Variants in DOCK3 observed in about 807,000 individuals in gnomAD.
DOCK3 encodes dedicator of cytokinesis 3.
In DOCK3, 60 loss-of-function variants were observed where a neutral mutation model predicts 265.6. The observed-to-expected ratio is 0.23, with a 90% CI of 0.18 to 0.28. The LOEUF is 0.28. Ranked by LOEUF, DOCK3 falls within the 10% of genes least tolerant of loss-of-function variation. The probability of loss-of-function intolerance (pLI) is 1.00; values close to 1 mark genes in which losing one functional copy is unlikely to be tolerated. For synonymous variants in DOCK3, 881 were observed against 938.0 expected (o/e 0.94, Z 1.11); for missense variants, 1,981 against 2,594.3 (o/e 0.76, Z 5.14).
intron 3 of DOCK3, among the ~76,000 whole-genome samples, chr3:50,879,013 A>G (rs1342618547): frequency 6.6e-6 from 1 of 152,182 alleles, no homozygotes; most frequent in African/African-American, 2.4e-5. Flanking sequence ...CCAGAATTTC[A>G]TATCCAGCCA....
At chr3:51,146,075 G>A (rs1280000289) in intron 9 of DOCK3, among the ~76,000 whole-genome samples, 1 of 152,242 alleles carries the variant, frequency 6.6e-6, no homozygotes, top group Non-Finnish European at 1.5e-5. Context: ...CAGGCCCGTA[G>A]CAGTCTGCAG....
intron 5 of DOCK3, among the ~76,000 whole-genome samples, chr3:50,957,142 A>G (rs1392647804): frequency 6.6e-6 from 1 of 152,220 alleles, no homozygotes; most frequent in African/African-American, 2.4e-5. Flanking sequence ...GTAATATTGT[A>G]CCAGCCCTTT....
intron 9 of DOCK3, among the ~76,000 whole-genome samples, chr3:51,091,159 G>A (rs879368324): frequency 2.6e-5 from 4 of 152,174 alleles, no homozygotes; most frequent in African/African-American, 7.2e-5. Context: ...CCTTGGGAAA[G>A]TTATTGTAGA....
intron 35 of DOCK3, 79 bp downstream of exon 35, chr3:51,333,332 CTG>C (rs1443237980): frequency 7.2e-7 from 1 of 1,395,174 alleles, no homozygotes; most frequent in Non-Finnish European, 1.0e-6. Flanking sequence ...GACCTGAAAA[CTG>C]AGACCATGTG....
intron 10 of DOCK3, among the ~76,000 whole-genome samples, chr3:51,150,224 C>A (rs1372213836): frequency 6.6e-6 from 1 of 151,758 alleles, no homozygotes; most frequent in Non-Finnish European, 1.5e-5. Context: ...TTTGTTTCTT[C>A]TCTCTTTTCT....
At chr3:50,753,603 T>C (rs2039973788) in intron 1 of DOCK3, among the ~76,000 whole-genome samples, 1 of 152,174 alleles carries the variant, frequency 6.6e-6, no homozygotes, top group South Asian at 2.1e-4. Flanking sequence ...GCTCAGGCAG[T>C]CCTTCTGTCT....
rs1429564565 is a variant in DOCK3, at chr3:50,712,102, A to G, written c.37+36802A>G. The stretch of plus-strand genomic sequence containing the variant: ...AACTAAAGGCCTGTCACATTTATGG[A>G]TCTTTTCAAAAAACCAACTTTCAGT... On this transcript the variant is annotated intron_variant, in intron 1 of 52. Coordinates refer to ENST00000266037, the MANE Select transcript of DOCK3 (RefSeq NM_004947.5). 2.0e-5 allele frequency among the ~76,000 whole-genome samples: 3 copies of G among 152,122 alleles called. No homozygotes were observed. In the South Asian group the frequency reaches 6.2e-4, roughly 31 times the overall value.
intron 2 of DOCK3, among the ~76,000 whole-genome samples, chr3:50,807,207 A>G (rs933392185): frequency 6.6e-6 from 1 of 150,742 alleles, no homozygotes; most frequent in Non-Finnish European, 1.5e-5. Context: ...GGAGGAGACA[A>G]GCACCAGGTG....
intron 23 of DOCK3, among the ~76,000 whole-genome samples, chr3:51,261,658 A>G (rs1279327394): frequency 6.6e-6 from 1 of 152,174 alleles, no homozygotes; most frequent in East Asian, 1.9e-4. Context: ...GTTAAGATCC[A>G]CTGGCTTGAA....
chr3:51,339,410 A>G lies in DOCK3; in HGVS notation c.3766+382A>G, dbSNP rs138392340. ...TTTAGGACTTTCAAAGCTGGAGCTAAGGTTATAACAAAGGAATATCCCCCT... is the reference window on the plus strand; with the variant it reads ...TTTAGGACTTTCAAAGCTGGAGCTAGGGTTATAACAAAGGAATATCCCCCT... On this transcript the variant is annotated intron_variant, in intron 37 of 52. Coordinates refer to ENST00000266037, the MANE Select transcript of DOCK3 (RefSeq NM_004947.5). Among the ~76,000 whole-genome samples, 226 of 152,308 alleles carry G rather than the reference A, an allele frequency of 1.5e-3. 2 individuals carry two copies. The highest frequency in any genetic ancestry group is 5.2e-3 in the African/African-American group (216 of 41,564).
At chr3:51,296,611 G>A (rs1468130806) in intron 27 of DOCK3, among the ~76,000 whole-genome samples, 5 of 151,622 alleles carry the variant, frequency 3.3e-5, no homozygotes, top group Non-Finnish European at 5.9e-5. Context: ...TGAGTAGCTG[G>A]GACTACAGGT....
At chr3:51,127,236 C>A (rs543895660) in intron 9 of DOCK3, among the ~76,000 whole-genome samples, 7 of 152,046 alleles carry the variant, frequency 4.6e-5, no homozygotes, top group African/African-American at 1.7e-4. Flanking sequence ...GTCTGCCTTC[C>A]CCAGCCCTCT....
At chr3:51,046,159 G>C (rs2080770076) in intron 5 of DOCK3, among the ~76,000 whole-genome samples, 1 of 152,028 alleles carries the variant, frequency 6.6e-6, no homozygotes, top group African/African-American at 2.4e-5. Context: ...AAATCACAAA[G>C]GAAGAGAGGA....
chr3:51,373,230 A>C (rs569893163), intron 49 of DOCK3, among the ~76,000 whole-genome samples: 4 of 152,338 alleles, frequency 2.6e-5, no homozygotes, highest in Admixed American at 6.5e-5. Flanking sequence ...GCACACTCAA[A>C]GGAAAGCCCC....
At chr3:51,157,064 G>C (rs572183916) in intron 10 of DOCK3, among the ~76,000 whole-genome samples, 2 of 152,170 alleles carry the variant, frequency 1.3e-5, no homozygotes, top group East Asian at 3.9e-4. Context: ...ATGTTTAAAA[G>C]AATTAGTGAA....
chr3:50,843,934 A>G (rs1290737020), intron 3 of DOCK3, among the ~76,000 whole-genome samples: 1 of 152,224 alleles, frequency 6.6e-6, no homozygotes. Flanking sequence ...CATCCTTAAA[A>G]TGATACAAAA....
chr3:51,316,261 A>G (rs1257780815), intron 32 of DOCK3, among the ~76,000 whole-genome samples: 3 of 152,214 alleles, frequency 2.0e-5, no homozygotes, highest in Admixed American at 6.5e-5. Context: ...GCCTTTTGAG[A>G]CTGGCCCCTT....
chr3:51,087,843 A>G (rs971341743), intron 7 of DOCK3, among the ~76,000 whole-genome samples: 11 of 152,186 alleles, frequency 7.2e-5, no homozygotes, highest in Non-Finnish European at 1.5e-4. Context: ...ACAGTATGAG[A>G]CTTCCCAAAA....
intron 23 of DOCK3, among the ~76,000 whole-genome samples, chr3:51,265,906 T>A (rs1428570478): frequency 6.6e-6 from 1 of 152,218 alleles, no homozygotes; most frequent in East Asian, 1.9e-4. Context: ...GAAGTGAAAT[T>A]GTCTCTGTTT....
Sources: gnomAD v4.1 joint callset for allele counts (sites outside exome capture counted in the v4.1 genomes callset) on GRCh38, gnomAD v4.1.1 for gene constraint, MANE v1.5 for transcripts, NCBI Gene and HGNC (gene_info 2026-07-23, HGNC 2026-07-21) for gene names.